Variants in NUDCD1 observed in about 807,000 individuals in gnomAD.
NUDCD1 encodes the protein NudC domain containing 1, also known as nudC domain-containing protein 1.
A neutral mutation model predicts 67.8 loss-of-function variants in NUDCD1; 60 were observed. The observed-to-expected ratio is 0.88, with a 90% confidence interval of 0.72 to 1.10. The LOEUF is 1.10. Ranked by LOEUF, NUDCD1 falls within the 50% of genes least tolerant of loss-of-function variation. The pLI is 0.00. For synonymous variants in NUDCD1, 244 were observed against 230.8 expected (o/e 1.06, Z -0.52); for missense variants, 643 against 695.0 (o/e 0.93, Z 0.84).
chr8:109,310,752 C>T, intron 2 of NUDCD1, among the ~76,000 whole-genome samples: 1 of 147,144 alleles, frequency 6.8e-6, no homozygotes, highest in Non-Finnish European at 1.5e-5. Context: ...GAATCTACAA[C>T]AGCAAGGAAA....
At chr8:109,325,957 G>A (rs1815672295) in intron 1 of NUDCD1, among the ~76,000 whole-genome samples, 1 of 152,234 alleles carries the variant, frequency 6.6e-6, no homozygotes, top group South Asian at 2.1e-4. Context: ...GATAGAGGTT[G>A]AGGAAACATA....
chr8:109,256,526 A>G (rs1485563200), intron 8 of NUDCD1, among the ~76,000 whole-genome samples: 1 of 152,214 alleles, frequency 6.6e-6, no homozygotes, highest in African/African-American at 2.4e-5. Context: ...TGGTAAGGAC[A>G]CTGAAAATTA....
intron 1 of NUDCD1, among the ~76,000 whole-genome samples, chr8:109,333,425 C>T (rs890299358): frequency 3.3e-5 from 5 of 152,186 alleles, no homozygotes; most frequent in Non-Finnish European, 5.9e-5. Flanking sequence ...ATTAAAAATG[C>T]TATGACTGGA....
In NUDCD1 at chr8:109,245,333, A is replaced by G; in HGVS notation, c.1448T>C (p.Phe483Ser). 1 of 1,612,896 alleles carries G rather than the reference A, an allele frequency of 6.2e-7. No individual in the cohort carries two copies. The highest frequency in any genetic ancestry group is 8.5e-7 in the Non-Finnish European group (1 of 1,179,478). ...QDDMWEHIAT[F>S]NALGYVQASK... ...AGTTTGCTTTATACCTAAAGCATTG[A>G]AAGTTGCGATGTGCTCCCACATATC... Residue 483 changes from phenylalanine to serine, a missense_variant, in exon 9 of 10, where the codon TTC becomes TCC. Physicochemically the swap from Phe to Ser is radical, Grantham distance 155. Transcript: ENST00000239690.
At chr8:109,277,005 T>G (rs186452132) in intron 6 of NUDCD1, among the ~76,000 whole-genome samples, 5 of 152,320 alleles carry the variant, frequency 3.3e-5, no homozygotes, top group Admixed American at 3.3e-4. Context: ...GTAATCTTGA[T>G]AATAATGATG....
In NUDCD1 at chr8:109,296,513, T is replaced by C; in HGVS notation, c.330A>G (p.Ala110=). ...EVFRLPTDLT[A]CDNRLCASIH... is the part of the protein sequence containing the mutation. ...TAGATGCACAAAGACGGTTGTCACA[T>C]GCTGTCAAATCTGTAGGAAGTCGAA... is the stretch of plus-strand genomic sequence containing the variant. The change falls in exon 3 of 10, where the codon GCA becomes GCG. Residue 110 remains alanine (A), a synonymous_variant. Transcript: ENST00000239690. 1 of 1,612,976 alleles carries C rather than the reference T, an allele frequency of 6.2e-7. No individual in the cohort carries two copies. Among genetic ancestry groups the C allele is most frequent in the African/African-American group, 1.3e-5 (1 of 75,044 alleles).
At chr8:109,319,821 C>T (rs1669751730) in intron 2 of NUDCD1, among the ~76,000 whole-genome samples, 1 of 152,082 alleles carries the variant, frequency 6.6e-6, no homozygotes, top group South Asian at 2.1e-4. Context: ...CAATATTCAC[C>T]TAGGTTCTTT....
intron 2 of NUDCD1, among the ~76,000 whole-genome samples, chr8:109,311,941 A>G (rs1027795294): frequency 1.3e-5 from 2 of 152,106 alleles, no homozygotes; most frequent in African/African-American, 4.8e-5. Context: ...CTAGGGAAAT[A>G]AAAAAATTAA....
chr8:109,293,270 C>A, intron 4 of NUDCD1, 74 bp downstream of exon 4: 1 of 764,816 alleles, frequency 1.3e-6, no homozygotes, highest in Non-Finnish European at 2.1e-6. Flanking sequence ...ACAGTATTTA[C>A]AGGGACAGCT....
intron 2 of NUDCD1, among the ~76,000 whole-genome samples, chr8:109,308,384 CACAA>C (rs1250897548): frequency 2.0e-5 from 3 of 152,058 alleles, no homozygotes; most frequent in African/African-American, 4.8e-5. Flanking sequence ...TCTGAAAGAG[CACAA>C]ACAGACAATC....
intron 2 of NUDCD1, among the ~76,000 whole-genome samples, chr8:109,314,374 G>T (rs1179946076): frequency 6.6e-6 from 1 of 152,084 alleles, no homozygotes; most frequent in Non-Finnish European, 1.5e-5. Flanking sequence ...TTTTTGCCAT[G>T]TCATGTATTT....
Position 109,243,309 on chromosome 8 carries a change from G to A in NUDCD1, c.1460-8C>T. On this transcript the variant is annotated splice_region_variant and splice_polypyrimidine_tract_variant and intron_variant, in intron 9 of 9. Coordinates refer to ENST00000239690, the MANE Select transcript of NUDCD1 (RefSeq NM_032869.4). ...TTGATGCTTGGACATAGCCTGCCAA[G>A]AATATGAGACAAACAAAAGAAAAAC... The A allele has an allele frequency of 1.3e-6, 2 of 1,550,656 alleles. No individual in the cohort carries two copies. Among genetic ancestry groups the A allele is most frequent in the South Asian group, 1.2e-5 (1 of 82,020 alleles).
intron 4 of NUDCD1, among the ~76,000 whole-genome samples, chr8:109,290,618 TA>T (rs1208746943): frequency 6.6e-6 from 1 of 152,180 alleles, no homozygotes; most frequent in East Asian, 1.9e-4. Flanking sequence ...AAACATAAAT[TA>T]GTGCTACTTT....
chr8:109,324,556 GAATA>G (rs1158343942), intron 1 of NUDCD1, among the ~76,000 whole-genome samples: 1 of 152,082 alleles, frequency 6.6e-6, no homozygotes, highest in Non-Finnish European at 1.5e-5. Flanking sequence ...TCCCACAAAT[GAATA>G]TTTATCAAAA....
At chr8:109,301,305 C>T (rs1401104570) in intron 2 of NUDCD1, among the ~76,000 whole-genome samples, 1 of 152,176 alleles carries the variant, frequency 6.6e-6, no homozygotes, top group Non-Finnish European at 1.5e-5. Flanking sequence ...TAAGAAGGTA[C>T]TTTGTAATAT....
At chr8:109,258,706 G>T (rs1404958516) in intron 8 of NUDCD1, among the ~76,000 whole-genome samples, 1 of 151,904 alleles carries the variant, frequency 6.6e-6, no homozygotes, top group East Asian at 1.9e-4. Flanking sequence ...GAAAAAAAAA[G>T]TATCAGTTAA....
At chr8:109,313,750 A>C (rs1223192713) in intron 2 of NUDCD1, 3 of 508,680 alleles carry the variant, frequency 5.9e-6, no homozygotes, top group South Asian at 4.7e-5. Flanking sequence ...ACTATTCTTC[A>C]TTTTATACAC....
intron 7 of NUDCD1, among the ~76,000 whole-genome samples, chr8:109,275,079 T>TAG (rs1181343851): frequency 5.3e-5 from 8 of 151,688 alleles, no homozygotes; most frequent in African/African-American, 9.7e-5. Flanking sequence ...AGAATACATG[T>TAG]AGAGAGAGAG....
At chr8:109,305,323 AT>A (rs1452334092) in intron 2 of NUDCD1, among the ~76,000 whole-genome samples, 1 of 152,168 alleles carries the variant, frequency 6.6e-6, no homozygotes, top group African/African-American at 2.4e-5. Context: ...TCTGTAAGAC[AT>A]AATTCCTCAG....
Sources: gnomAD v4.1 joint callset for allele counts (sites outside exome capture counted in the v4.1 genomes callset) on GRCh38, gnomAD v4.1.1 for gene constraint, MANE v1.5 for transcripts, NCBI Gene and HGNC (gene_info 2026-07-23, HGNC 2026-07-21) for gene names.